Variants in CNTNAP2 observed in about 807,000 individuals in gnomAD.
CNTNAP2 encodes the protein contactin associated protein 2.
In CNTNAP2, 98 loss-of-function variants were observed where a neutral mutation model predicts 155.2. That is an observed-to-expected ratio of 0.63 (90% CI 0.54 to 0.75). The LOEUF (loss-of-function observed/expected upper bound fraction) is 0.75. Among genes scored for constraint, CNTNAP2 ranks in the 30% least tolerant of loss-of-function variants. The pLI, the probability that CNTNAP2 is intolerant of heterozygous loss-of-function variation, is 0.00. For synonymous variants in CNTNAP2, 651 were observed against 631.2 expected, an observed-to-expected ratio of 1.03 and a Z score of -0.47; for missense variants, 1,727 against 1,688.1, an observed-to-expected ratio of 1.02 and a Z score of -0.40.
chr7:146,646,898 T>A (rs1378675919), intron 1 of CNTNAP2, among the ~76,000 whole-genome samples: 1 of 152,120 alleles, frequency 6.6e-6, no homozygotes, highest in Non-Finnish European at 1.5e-5. Flanking sequence ...AAAAATTAAA[T>A]GGAATCCAAG....
intron 3 of CNTNAP2, among the ~76,000 whole-genome samples, chr7:146,971,775 T>G (rs1352077003): frequency 6.6e-6 from 1 of 152,112 alleles, no homozygotes; most frequent in Non-Finnish European, 1.5e-5. Context: ...ACTTAATCAC[T>G]TCCCATAAGA....
At chr7:148,181,594 C>A (rs1795038396) in intron 18 of CNTNAP2, among the ~76,000 whole-genome samples, 1 of 151,994 alleles carries the variant, frequency 6.6e-6, no homozygotes, top group South Asian at 2.1e-4. Context: ...GAAAACCTGG[C>A]CAATTAACTT....
intron 5 of CNTNAP2, among the ~76,000 whole-genome samples, chr7:147,119,855 A>G (rs1348427126): frequency 6.6e-6 from 1 of 152,150 alleles, no homozygotes; most frequent in Non-Finnish European, 1.5e-5. Flanking sequence ...TATGCTATTT[A>G]TTCTGAAACC....
intron 13 of CNTNAP2, among the ~76,000 whole-genome samples, chr7:147,862,200 G>A (rs1407643168): frequency 2.0e-5 from 3 of 152,000 alleles, no homozygotes; most frequent in Non-Finnish European, 4.4e-5. Context: ...ACAAACCATG[G>A]GTTATAAAAT....
chr7:147,671,776 G>C (rs1795790842), intron 13 of CNTNAP2: 1 of 152,202 alleles, frequency 6.6e-6, no homozygotes, highest in Non-Finnish European at 1.5e-5. Context: ...AGCTCCAAAA[G>C]GGAAGGAGGC....
At chr7:147,786,021 G>C (rs1797733271) in intron 13 of CNTNAP2, among the ~76,000 whole-genome samples, 1 of 152,094 alleles carries the variant, frequency 6.6e-6, no homozygotes, top group South Asian at 2.1e-4. Flanking sequence ...GCCAGGCACG[G>C]TGGCTCATGC....
intron 1 of CNTNAP2, among the ~76,000 whole-genome samples, chr7:146,664,836 G>T (rs1311701499): frequency 6.6e-6 from 1 of 152,076 alleles, no homozygotes; most frequent in Non-Finnish European, 1.5e-5. Flanking sequence ...GGACTATTTA[G>T]GCTGTTTCTT....
intron 13 of CNTNAP2, among the ~76,000 whole-genome samples, chr7:147,709,607 C>T (rs1015628526): frequency 6.6e-6 from 1 of 152,132 alleles, no homozygotes; most frequent in Non-Finnish European, 1.5e-5. Flanking sequence ...TAGTAGTCCT[C>T]TATAAACACT....
In CNTNAP2 at chr7:148,091,748, A is replaced by G. The variant is rs527295732; in HGVS notation, c.2384-26370A>G. Among the ~76,000 whole-genome samples the G allele has an allele frequency of 5.7e-3, 865 of 152,286 alleles. 5 individuals are homozygous for G. The highest frequency in any genetic ancestry group is 8.7e-3 in the South Asian group (42 of 4,830). On this transcript the variant is annotated intron_variant, in intron 15 of 23. Coordinates refer to ENST00000361727, the MANE Select transcript of CNTNAP2 (RefSeq NM_014141.6). Reference sequence around the variant, plus strand: ...TTACATCTTATATTGAACTGTTTCCATGGAACATCTCCATGGGTCAGACTG... The same window carrying G: ...TTACATCTTATATTGAACTGTTTCCGTGGAACATCTCCATGGGTCAGACTG...
chr7:148,259,179 TAAAAA>T (rs34229180), intron 20 of CNTNAP2, among the ~76,000 whole-genome samples: 5 of 24,018 alleles, frequency 2.1e-4, no homozygotes, highest in African/African-American at 7.2e-4. Flanking sequence ...AACTCCGTCT[TAAAAA>T]AAAAAAAAAA....
chr7:146,728,166 A>G (rs1268105673), intron 1 of CNTNAP2, among the ~76,000 whole-genome samples: 5 of 152,124 alleles, frequency 3.3e-5, no homozygotes, highest in Admixed American at 1.3e-4. Context: ...CAAGATGAAT[A>G]CGATTTAGTT....
chr7:147,093,479 T>A (rs1800458637), intron 4 of CNTNAP2, among the ~76,000 whole-genome samples: 2 of 152,142 alleles, frequency 1.3e-5, no homozygotes, highest in Admixed American at 1.3e-4. Context: ...TGATAGTAAT[T>A]ATGTGCTATA....
chr7:148,125,692 T>A (rs1319375448), intron 16 of CNTNAP2, among the ~76,000 whole-genome samples: 2 of 121,070 alleles, frequency 1.7e-5, no homozygotes, highest in Non-Finnish European at 3.2e-5. Flanking sequence ...TGTGTGTGTA[T>A]ATATATATAG....
chr7:148,396,068 A>G (rs1392465277), intron 22 of CNTNAP2, among the ~76,000 whole-genome samples: 5 of 152,118 alleles, frequency 3.3e-5, no homozygotes, highest in African/African-American at 1.2e-4. Flanking sequence ...GGGTCTGTGC[A>G]TGGAAATCAT....
At chr7:147,602,992 T>C (rs1800984342) in intron 12 of CNTNAP2, among the ~76,000 whole-genome samples, 1 of 152,124 alleles carries the variant, frequency 6.6e-6, no homozygotes, top group Admixed American at 6.5e-5. Context: ...GTCCTTTGGG[T>C]ATATACCCAG....
chr7:147,883,030 A>T (rs1051166617), intron 13 of CNTNAP2, among the ~76,000 whole-genome samples: 1 of 152,184 alleles, frequency 6.6e-6, no homozygotes, highest in African/African-American at 2.4e-5. Flanking sequence ...TTGGGTCATG[A>T]TTCTGAACAC....
At chr7:147,520,684 T>A (rs1052679788) in intron 11 of CNTNAP2, among the ~76,000 whole-genome samples, 10 of 152,240 alleles carry the variant, frequency 6.6e-5, no homozygotes, top group African/African-American at 2.4e-4. Flanking sequence ...CAAGAGCATT[T>A]GACCCTAATG....
chr7:146,273,770 C>T (rs557940156), intron 1 of CNTNAP2, among the ~76,000 whole-genome samples: 31 of 152,116 alleles, frequency 2.0e-4, no homozygotes, highest in Middle Eastern at 3.4e-3. Flanking sequence ...TAAGGACGAC[C>T]CTTTTACTTG....
chr7:146,820,384 A>C (rs898738824), intron 2 of CNTNAP2, among the ~76,000 whole-genome samples: 2 of 152,164 alleles, frequency 1.3e-5, no homozygotes, highest in African/African-American at 4.8e-5. Context: ...TAGTATATAT[A>C]AGTAAATATA....
Sources: allele counts gnomAD v4.1 joint callset (sites outside exome capture counted in the v4.1 genomes callset), GRCh38; gene constraint gnomAD v4.1.1; transcripts MANE v1.5; gene names NCBI Gene and HGNC (gene_info 2026-07-23, HGNC 2026-07-21).